The following CLIP2 variants were observed in gnomAD, a reference collection of about 807,000 sequenced individuals.
The protein encoded by CLIP2 is CAP-Gly domain-containing linker protein 2.
Under a neutral mutation model 111.7 loss-of-function variants are expected in CLIP2, and 41 were observed. The observed-to-expected ratio is 0.37, with a 90% CI of 0.29 to 0.48. The LOEUF (loss-of-function observed/expected upper bound fraction) is 0.48. Ranked by LOEUF, CLIP2 falls within the 20% of genes least tolerant of loss-of-function variation. The probability of loss-of-function intolerance (pLI) is 0.99; values close to 1 mark genes in which losing one functional copy is unlikely to be tolerated. For missense variants in CLIP2, 1,160 were observed against 1,422.1 expected (o/e 0.82, Z 2.96); for synonymous variants, 660 against 644.2 (o/e 1.02, Z -0.37).
At chr7:74,315,617 C>G (rs1442259778) in intron 1 of CLIP2, among the ~76,000 whole-genome samples, 3 of 151,848 alleles carry the variant, frequency 2.0e-5, no homozygotes, top group Admixed American at 1.3e-4. Flanking sequence ...GTTGCCCAGG[C>G]TGGAGTGCAG....
intron 1 of CLIP2, among the ~76,000 whole-genome samples, chr7:74,297,293 C>T (rs782093357): frequency 3.0e-4 from 46 of 152,032 alleles, no homozygotes; most frequent in Middle Eastern, 3.4e-3. Flanking sequence ...GGCAACCTAG[C>T]AAGGGCCCAT....
rs573163669 is a variant in CLIP2, at chr7:74,316,193, C to G, written c.-67-1287C>G. Among the ~76,000 whole-genome samples the G allele has an allele frequency of 3.3e-5, 5 of 152,104 alleles. No individual in the cohort carries two copies. In the South Asian group the frequency reaches 1.0e-3, roughly 32 times the overall value. On this transcript the variant is annotated intron_variant, in intron 1 of 16. Transcript: ENST00000223398. ...TAATGGCTTCCAACTCCATCCATGT[C>G]CCTGCAAAGGACATCATCTTGTTCT...
At chr7:74,396,920 G>T (rs1554316748) in intron 13 of CLIP2, among the ~76,000 whole-genome samples, 154 bp from the exon 14 acceptor site, 2 of 151,360 alleles carry the variant, frequency 1.3e-5, no homozygotes, top group African/African-American at 4.9e-5. Context: ...TGGTTGAATT[G>T]TGTCTACTGT....
intron 8 of CLIP2, chr7:74,365,004 T>C (rs1247539681): frequency 1.7e-4 from 25 of 151,450 alleles, no homozygotes; most frequent in African/African-American, 7.8e-4. Context: ...TGTGTGTGTG[T>C]GTGTGTGTGT....
rs372454641 is a variant in CLIP2 at position 74,366,615 on chromosome 7, C to A, written c.1380+2300C>A. Among the ~76,000 whole-genome samples the A allele has an allele frequency of 6.4e-4, 98 of 152,324 alleles. No homozygotes were observed. In the East Asian group the frequency reaches 8.1e-3, roughly 13 times the overall value. ...AATAAAGGCTGGGCGTGGTGGCTCA[C>A]GCCTGTAATCCCAACACTTTGGGAG... On this transcript the variant is annotated intron_variant, in intron 8 of 16. Coordinates refer to ENST00000223398, the MANE Select transcript of CLIP2 (RefSeq NM_003388.5).
chr7:74,352,824 C>T (rs1384991403), intron 3 of CLIP2, among the ~76,000 whole-genome samples: 3 of 151,944 alleles, frequency 2.0e-5, no homozygotes, highest in Non-Finnish European at 4.4e-5. Flanking sequence ...GCTCAGGCAA[C>T]ATATCAAGAC....
chr7:74,294,237 C>T (rs1264120254), intron 1 of CLIP2, among the ~76,000 whole-genome samples: 1 of 152,200 alleles, frequency 6.6e-6, no homozygotes, highest in Non-Finnish European at 1.5e-5. Context: ...CAGCCAGAGC[C>T]TCCTATCCTG....
At position 74,292,020 on chromosome 7, in the gene CLIP2, G is replaced by A. The variant is rs188831735; in HGVS notation, c.-68+2286G>A. Among the ~76,000 whole-genome samples the A allele has an allele frequency of 3.3e-3, 497 of 151,880 alleles. 6 individuals are homozygous for A. The highest frequency in any genetic ancestry group is 0.011 in the African/African-American group (475 of 41,344). Reference sequence around the variant, plus strand: ...GCTCACTGTAACCTCTGCCTCCTGGGTTCAAGCAATTCTGCCTCAGCCTCC... The same window carrying A: ...GCTCACTGTAACCTCTGCCTCCTGGATTCAAGCAATTCTGCCTCAGCCTCC... On this transcript the variant is annotated intron_variant, in intron 1 of 16. Coordinates refer to ENST00000223398, the MANE Select transcript of CLIP2 (RefSeq NM_003388.5).
intron 2 of CLIP2, among the ~76,000 whole-genome samples, chr7:74,319,662 A>T (rs1042936489): frequency 1.3e-4 from 20 of 151,960 alleles, no homozygotes; most frequent in African/African-American, 2.9e-4. Context: ...TACAAAAAAA[A>T]TTTTTTTAAT....
chr7:74,402,287 G>A (rs564009200), intron 16 of CLIP2, among the ~76,000 whole-genome samples: 9 of 142,874 alleles, frequency 6.3e-5, no homozygotes, highest in African/African-American at 5.2e-5. Context: ...CCGAGATCGC[G>A]CCACTGGACT....
At chr7:74,399,459 G>A (rs1791553030) in intron 14 of CLIP2, among the ~76,000 whole-genome samples, 1 of 150,502 alleles carries the variant, frequency 6.6e-6, no homozygotes, top group Admixed American at 6.7e-5. Flanking sequence ...GATCACTTGA[G>A]CCCAGGAATT....
rs184184929 is a variant in CLIP2, at chr7:74,404,108, G to A, written c.*260G>A. On this transcript the variant is annotated 3_prime_UTR_variant, in exon 17 of 17. Transcript: ENST00000223398. ...CCGGGGACCTTCAGCCTGGACACCC[G>A]GCAGCTTCTGGAGTTTGTCAGTGGA... 11 of 492,252 alleles carry A rather than the reference G, an allele frequency of 2.2e-5. No individual in the cohort carries two copies. Among genetic ancestry groups the A allele is most frequent in the Non-Finnish European group, 3.4e-5 (9 of 267,514 alleles). The allele number at this position is 492,252 out of a possible 1,614,324, so 30.5% of individuals were successfully genotyped here.
intron 1 of CLIP2, among the ~76,000 whole-genome samples, chr7:74,292,927 T>C (rs1029832969): frequency 1.3e-5 from 2 of 152,184 alleles, no homozygotes; most frequent in South Asian, 2.1e-4. Flanking sequence ...ACCTATCCCT[T>C]TTGCTCAGGT....
intron 15 of CLIP2, 103 bp downstream of exon 15, chr7:74,400,658 C>T: frequency 8.4e-7 from 1 of 1,184,092 alleles, no homozygotes; most frequent in Non-Finnish European, 1.2e-6. Flanking sequence ...AAACCCCAGT[C>T]TGAGGAGGTA....
intron 11 of CLIP2, chr7:74,381,462 C>T (rs1562721764): frequency 2.7e-6 from 1 of 364,918 alleles, no homozygotes; most frequent in Admixed American, 3.3e-5. Context: ...GTTGGGATTA[C>T]AGGCATGAGC....
At chr7:74,364,403 C>G in intron 8 of CLIP2, 88 bp downstream of exon 8, 1 of 1,157,286 alleles carries the variant, frequency 8.6e-7, no homozygotes, top group Non-Finnish European at 1.3e-6. Context: ...CCAGCAGCAC[C>G]TCTAGGCCCC....
rs1409819111 is a variant in CLIP2, at chr7:74,289,430, G to C, written c.-372G>C. 2.0e-5 allele frequency: 3 copies of C among 150,660 alleles called. No individual in the cohort carries two copies. The highest frequency in any genetic ancestry group is 2.0e-4 in the Admixed American group (3 of 15,108). The allele number at this position is 150,660 out of a possible 1,614,324, so 9.3% of individuals were successfully genotyped here. ...CCCCTTTTGTTCCCTCCCGGAGCCG[G>C]GCCGCTGGCTCCGCTGGCTCCGCTG... is the stretch of plus-strand genomic sequence containing the variant. On this transcript the variant is annotated 5_prime_UTR_variant, in exon 1 of 17. Transcript: ENST00000223398.
chr7:74,346,607 A>G (rs1554306340), intron 3 of CLIP2, among the ~76,000 whole-genome samples: 1 of 151,944 alleles, frequency 6.6e-6, no homozygotes, highest in African/African-American at 2.4e-5. Flanking sequence ...CCTGTAATCC[A>G]AGCTCCTCAG....
At chr7:74,323,940 T>G (rs1003199608) in intron 2 of CLIP2, among the ~76,000 whole-genome samples, 2 of 152,252 alleles carry the variant, frequency 1.3e-5, no homozygotes, top group Non-Finnish European at 2.9e-5. Flanking sequence ...CGTTAAGTGA[T>G]GCATGACTGT....
Sources: allele counts gnomAD v4.1 joint callset (sites outside exome capture counted in the v4.1 genomes callset), GRCh38; gene constraint gnomAD v4.1.1; transcripts MANE v1.5; gene names NCBI Gene and HGNC (gene_info 2026-07-23, HGNC 2026-07-21).